The following SNAPC4 variants were observed in gnomAD, a reference collection of about 807,000 sequenced individuals.
The protein encoded by SNAPC4 is small nuclear RNA activating complex polypeptide 4.
SNAPC4 carries 127 observed loss-of-function variants against 151.3 expected under a neutral mutation model. That is an observed-to-expected ratio of 0.84 (90% CI 0.73 to 0.97). The LOEUF is 0.97. Ranked by LOEUF, SNAPC4 falls within the 50% of genes least tolerant of loss-of-function variation. The pLI is 0.00. For missense variants in SNAPC4, 2,186 were observed against 1,935.0 expected (o/e 1.13, Z -2.43); for synonymous variants, 1,002 against 824.4 (o/e 1.22, Z -3.69).
chr9:136,382,058 G>A lies in SNAPC4; in HGVS notation c.2083C>T (p.Gln695Ter). ...GGGGATGAGGTGGGCAGGGGTGGCT[G>A]CCTCAGCTGCTCTTTCTGTAAGGAG... The part of the protein sequence containing the change: ...RSCTQKEQLR[Q>*]PPLPTSSPGV... The change falls in exon 18 of 24, where the codon CAG (glutamine) becomes TAG (stop). Residue 695 changes from glutamine (Q) to a stop codon, truncating the protein, a stop_gained. Coordinates refer to ENST00000684778, the MANE Select transcript of SNAPC4 (RefSeq NM_003086.4). LOFTEE classifies it high-confidence loss of function. The A allele has an allele frequency of 6.3e-7, 1 of 1,590,586 alleles. No homozygotes were observed. Among genetic ancestry groups the A allele is most frequent in the South Asian group, 1.1e-5 (1 of 88,760 alleles).
At chr9:136,384,605 C>T in intron 14 of SNAPC4, 115 bp downstream of exon 14, 1 of 568,652 alleles carries the variant, frequency 1.8e-6, no homozygotes, top group Non-Finnish European at 3.0e-6. Flanking sequence ...GCTATGGTCG[C>T]ACCACCGCAC....
rs375714270 is a variant in SNAPC4 at position 136,383,467 on chromosome 9, C to T, written c.1702G>A (p.Asp568Asn). Residue 568 changes from aspartate to asparagine, a missense_variant, in exon 16 of 24, where the codon GAC becomes AAC. By Grantham distance (23) the Asp-to-Asn change is conservative. Transcript: ENST00000684778. The surrounding 1 kb of genome is among the most constrained non-coding windows in gnomAD (Gnocchi z 4.2). ...CTGGCAGGAACCCACAGGTCCATGTCCGGGACCATGTACTGTGGGGACAGC... is the reference window on the plus strand; with the variant it reads ...CTGGCAGGAACCCACAGGTCCATGTTCGGGACCATGTACTGTGGGGACAGC... ...ALLSPQYMVP[D>N]MDLWVPARQS... 6.4e-7 allele frequency: 1 copy of T among 1,563,536 alleles called. No individual in the cohort carries two copies. Among genetic ancestry groups the T allele is most frequent in the Non-Finnish European group, 8.7e-7 (1 of 1,154,150 alleles).
At chr9:136,389,969 G>T (rs1047923915) in intron 10 of SNAPC4, among the ~76,000 whole-genome samples, 2 of 152,208 alleles carry the variant, frequency 1.3e-5, no homozygotes, top group African/African-American at 4.8e-5. Context: ...AGAGAAGCAT[G>T]TCTGACTATG....
chr9:136,384,339 C>T (rs565248766), intron 14 of SNAPC4, among the ~76,000 whole-genome samples: 5 of 152,334 alleles, frequency 3.3e-5, no homozygotes, highest in South Asian at 2.1e-4. Flanking sequence ...CCACGATTCC[C>T]GCTCTTCACA....
chr9:136,397,723 A>T (rs1173933680), intron 2 of SNAPC4, among the ~76,000 whole-genome samples: 29 of 37,184 alleles, frequency 7.8e-4, no homozygotes, highest in African/African-American at 3.3e-3. Context: ...GCACGTGGGG[A>T]GGAGAGCACT....
Position 136,383,497 on chromosome 9 carries a change from C to G in SNAPC4, c.1672G>C (p.Ala558Pro). ...EQAQAGEGDR[A>P]LLSPQYMVPD... Reference sequence around the variant, plus strand: ...ACCATGTACTGTGGGGACAGCAGCGCTCTGTCACCCTCCCCGGCCTGCGCC... The same window carrying G: ...ACCATGTACTGTGGGGACAGCAGCGGTCTGTCACCCTCCCCGGCCTGCGCC... The change falls in exon 16 of 24, where the codon GCG (alanine) becomes CCG (proline). Residue 558 changes from alanine (A) to proline (P), a missense_variant. Physicochemically the swap from Ala to Pro is conservative, Grantham distance 27. Coordinates refer to ENST00000684778, the MANE Select transcript of SNAPC4 (RefSeq NM_003086.4). This position sits in a 1 kb window ranked among gnomAD's most constrained non-coding sequence, Gnocchi z 4.2. The G allele has an allele frequency of 1.9e-6, 3 of 1,573,826 alleles. No individual in the cohort carries two copies. The highest frequency in any genetic ancestry group is 2.6e-6 in the Non-Finnish European group (3 of 1,160,124).
rs752111761 is a variant in SNAPC4, at chr9:136,392,038, G to A, written c.879C>T (p.Asn293=). 8.7e-6 allele frequency: 14 copies of A among 1,612,388 alleles called. No individual in the cohort carries two copies. The highest frequency in any genetic ancestry group is 8.5e-6 in the Non-Finnish European group (10 of 1,179,980). Residue 293 remains asparagine (N), a synonymous_variant, in exon 10 of 24, where the codon AAC becomes AAT. Transcript: ENST00000684778. ...FWQNSEHPSI[N]KQEWSREEEE... Reference sequence around the variant, plus strand: ...CCTCCTCCCTGCTCCACTCCTGCTTGTTGATGCTGGGGTGCTCCGAGTTCT... The same window carrying A: ...CCTCCTCCCTGCTCCACTCCTGCTTATTGATGCTGGGGTGCTCCGAGTTCT...
At position 136,378,958 on chromosome 9, in the gene SNAPC4, C is replaced by A. The variant is rs575245185; in HGVS notation, c.2869G>T (p.Ala957Ser). The A allele has an allele frequency of 6.2e-7, 1 of 1,608,736 alleles. No homozygotes were observed. The highest frequency in any genetic ancestry group is 1.1e-5 in the South Asian group (1 of 90,168). The change falls in exon 22 of 24, where the codon GCC becomes TCC. Residue 957 changes from alanine (A) to serine (S), a missense_variant. Physicochemically the swap from Ala to Ser is moderately conservative, Grantham distance 99 (BLOSUM62 1). Coordinates refer to ENST00000684778, the MANE Select transcript of SNAPC4 (RefSeq NM_003086.4). ...VLNVPLSGPG[A>S]PAAAKPGTSG... ...GTGCCAGGTTTGGCTGCCGCGGGGG[C>A]CCCAGGCCCAGAGAGCGGTACATTT...
At chr9:136,395,576 G>A (rs368287742) in intron 4 of SNAPC4, 27 bp downstream of exon 4, 433 of 1,591,878 alleles carry the variant, frequency 2.7e-4, no homozygotes, top group Non-Finnish European at 3.5e-4. Flanking sequence ...GGAGGTGTGG[G>A]CACCGGGGGG....
At position 136,377,962 on chromosome 9, in the gene SNAPC4, G is replaced by A. The variant is rs763245493; in HGVS notation, c.3865C>T (p.Gln1289Ter). The change falls in exon 22 of 24, where the codon CAG becomes TAG. Residue 1289 changes from glutamine to a stop codon, truncating the protein, a stop_gained. Coordinates refer to ENST00000684778, the MANE Select transcript of SNAPC4 (RefSeq NM_003086.4). LOFTEE classifies it high-confidence loss of function. ...AGAAGAGGCACACGCACCCCCCGCT[G>A]GCCCCCCAGCCACTGCTGTGTGGCC... ...EAATQQWLGG[Q>*]RGVRVPLLGS... 5 of 1,601,910 alleles carry A rather than the reference G, an allele frequency of 3.1e-6. No homozygotes were observed. In the Admixed American group the frequency reaches 5.0e-5, roughly 16 times the overall value.
chr9:136,398,450 C>T lies in SNAPC4; in HGVS notation c.-9-13G>A. 1 of 1,608,844 alleles carries T rather than the reference C, an allele frequency of 6.2e-7. No individual in the cohort carries two copies. Among genetic ancestry groups the T allele is most frequent in the Non-Finnish European group, 8.5e-7 (1 of 1,175,746 alleles). On this transcript the variant is annotated splice_polypyrimidine_tract_variant and intron_variant, in intron 1 of 23. Coordinates refer to ENST00000684778, the MANE Select transcript of SNAPC4 (RefSeq NM_003086.4). ...CCATGACTCCCGCCTGCCTCCAAAA[C>T]ACACCCCGAGATGTTAGAAACCAAG...
intron 17 of SNAPC4, 43 bp from the exon 18 acceptor site, chr9:136,382,116 G>GC: frequency 1.3e-6 from 2 of 1,561,070 alleles, no homozygotes; most frequent in Non-Finnish European, 1.7e-6. Context: ...GCCAGGCTCG[G>GC]CCCCCGGAGT....
intron 2 of SNAPC4, among the ~76,000 whole-genome samples, chr9:136,397,437 G>A (rs1834311416): frequency 6.7e-6 from 1 of 148,828 alleles, no homozygotes; most frequent in Non-Finnish European, 1.5e-5. Flanking sequence ...CAGGCCCTGG[G>A]TCTGGGAGAG....
chr9:136,394,602 G>A (rs560604535), intron 6 of SNAPC4, among the ~76,000 whole-genome samples, 198 bp downstream of exon 6: 3 of 152,338 alleles, frequency 2.0e-5, no homozygotes, highest in East Asian at 1.9e-4. Flanking sequence ...CTAGCCCCTC[G>A]TGACTGGTGT....
chr9:136,383,880 C>A lies in SNAPC4; in HGVS notation c.1500+73G>T, dbSNP rs868006217. On this transcript the variant is annotated intron_variant, in intron 15 of 23. Coordinates refer to ENST00000684778, the MANE Select transcript of SNAPC4 (RefSeq NM_003086.4). This position sits in a 1 kb window ranked among gnomAD's most constrained non-coding sequence, Gnocchi z 4.2. ...CCGAACGCCCCCCTCCCCTCCCCTC[C>A]TCCTGCCTGCTGGACCCCCCAGTTG... 6 of 1,443,838 alleles carry A rather than the reference C, an allele frequency of 4.2e-6. No individual in the cohort carries two copies. The Middle Eastern group carries it at 1.1e-3, about 273-fold the overall frequency. 89.4% of individuals were successfully genotyped at this position (1,443,838 alleles called of 1,614,324 possible).
chr9:136,399,260 G>C (rs1472453412), intron 1 of SNAPC4, among the ~76,000 whole-genome samples: 1 of 152,212 alleles, frequency 6.6e-6, no homozygotes, highest in African/African-American at 2.4e-5. Flanking sequence ...CTGGGGCCCT[G>C]CCCAACTGGA....
rs1833573033 is a variant in SNAPC4, at chr9:136,378,795, G to A, written c.3032C>T (p.Pro1011Leu). ...PAASQAPALG[P>L]GQISVSCPES... ...GGGGCAGCTCACAGAGATCTGGCCGGGGCCCAGGGCAGGGGCTTGGGAAGC... is the reference window on the plus strand; with the variant it reads ...GGGGCAGCTCACAGAGATCTGGCCGAGGCCCAGGGCAGGGGCTTGGGAAGC... Residue 1011 changes from proline (P) to leucine (L), a missense_variant, in exon 22 of 24, where the codon CCC (proline) becomes CTC (leucine). Coordinates refer to ENST00000684778, the MANE Select transcript of SNAPC4 (RefSeq NM_003086.4). 1.3e-6 allele frequency: 2 copies of A among 1,569,786 alleles called. No individual in the cohort carries two copies. Among genetic ancestry groups the A allele is most frequent in the Non-Finnish European group, 8.6e-7 (1 of 1,157,382 alleles).
intron 3 of SNAPC4, 104 bp downstream of exon 3, chr9:136,396,873 G>T: frequency 2.4e-6 from 2 of 832,308 alleles, no homozygotes; most frequent in Non-Finnish European, 4.1e-6. Context: ...TTTTTATAAT[G>T]CAGAAAAACC....
Position 136,387,839 on chromosome 9 carries a change from T to C in SNAPC4, c.1133A>G (p.Tyr378Cys), listed in dbSNP as rs1246027304. ...CTGCATGGAGTCTCTCCCTTCCATATAGTAGACAACTAGGGACAGAGGAAC... is the reference window on the plus strand; with the variant it reads ...CTGCATGGAGTCTCTCCCTTCCATACAGTAGACAACTAGGGACAGAGGAAC... ...SHIPYRRIVY[Y>C]MEGRDSMQLI... The change falls in exon 12 of 24, where the codon TAT becomes TGT. Residue 378 changes from tyrosine (Y) to cysteine (C), a missense_variant. Transcript: ENST00000684778. The C allele has an allele frequency of 1.3e-6, 2 of 1,588,842 alleles. No homozygotes were observed. The highest frequency in any genetic ancestry group is 1.7e-6 in the Non-Finnish European group (2 of 1,157,414).
Sources: gnomAD v4.1 joint callset for allele counts (sites outside exome capture counted in the v4.1 genomes callset) on GRCh38, gnomAD v4.1.1 for gene constraint, Gnocchi (gnomAD v3.1) non-coding constraint, MANE v1.5 for transcripts, NCBI Gene and HGNC (gene_info 2026-07-23, HGNC 2026-07-21) for gene names.